The following STYK1 variants were observed in gnomAD, a reference collection of about 807,000 sequenced individuals.
The protein encoded by STYK1 is STY kinase 1, also known as tyrosine-protein kinase STYK1.
A neutral mutation model predicts 48.1 loss-of-function variants in STYK1; 46 were observed. That is an observed-to-expected ratio of 0.96 (90% CI 0.75 to 1.22). The LOEUF (loss-of-function observed/expected upper bound fraction) is 1.22, where lower values mean the gene tolerates loss of function less well. Ranked by LOEUF, STYK1 falls within the 50% of genes most tolerant of loss-of-function variation. The pLI, the probability that STYK1 is intolerant of heterozygous loss-of-function variation, is 0.00. For synonymous variants in STYK1, 188 were observed against 189.0 expected, an observed-to-expected ratio of 0.99 and a Z score of 0.04; for missense variants, 527 against 521.1, an observed-to-expected ratio of 1.01 and a Z score of -0.11.
chr12:10,625,303 C>T (rs374123122), intron 7 of STYK1, among the ~76,000 whole-genome samples: 7 of 152,220 alleles, frequency 4.6e-5, no homozygotes, highest in East Asian at 1.9e-4. Flanking sequence ...CTGCAAGCTC[C>T]GCCTCCTGGG....
At chr12:10,667,533 G>C (rs1471613873) in intron 1 of STYK1, 1 of 152,164 alleles carries the variant, frequency 6.6e-6, no homozygotes, top group Admixed American at 6.5e-5. Context: ...GGGAGGTTGA[G>C]ATGGGAGGAT....
intron 1 of STYK1, among the ~76,000 whole-genome samples, chr12:10,671,034 C>T (rs112635538): frequency 0.065 from 8,070 of 123,486 alleles, 762 homozygotes; most frequent in African/African-American, 0.23. Context: ...CTGGCTCTGT[C>T]GCCCAGGCTG....
At chr12:10,650,913 G>A (rs1285930112) in intron 1 of STYK1, among the ~76,000 whole-genome samples, 1 of 151,808 alleles carries the variant, frequency 6.6e-6, no homozygotes, top group Non-Finnish European at 1.5e-5. Flanking sequence ...GCTGAGGCAG[G>A]AGAATCACTT....
intron 1 of STYK1, among the ~76,000 whole-genome samples, chr12:10,653,823 T>G (rs1267261482): frequency 2.0e-5 from 3 of 152,234 alleles, no homozygotes; most frequent in Admixed American, 6.5e-5. Flanking sequence ...GCATTAATGT[T>G]TAAAGACTGG....
rs1459716188 is a variant in STYK1, at chr12:10,618,984, A to G, written c.*1160T>C. 6.6e-6 allele frequency: 1 copy of G among 152,238 alleles called. No individual in the cohort carries two copies. The highest frequency in any genetic ancestry group is 1.5e-5 in the Non-Finnish European group (1 of 68,050). The allele number at this position is 152,238 out of a possible 1,614,324, so 9.4% of individuals were successfully genotyped here. On this transcript the variant is annotated 3_prime_UTR_variant, in exon 11 of 11. Coordinates refer to ENST00000075503, the MANE Select transcript of STYK1 (RefSeq NM_018423.3). ...TGAGCGCATATGTGCCAGATAGTGTACAAATACATACTCAAAACGTATCAA... is the reference window on the plus strand; with the variant it reads ...TGAGCGCATATGTGCCAGATAGTGTGCAAATACATACTCAAAACGTATCAA...
intron 1 of STYK1, among the ~76,000 whole-genome samples, chr12:10,643,522 TG>T (rs1157585541): frequency 1.3e-5 from 2 of 152,200 alleles, no homozygotes; most frequent in African/African-American, 2.4e-5. Context: ...CATCATTCCT[TG>T]GGGGGCCAGC....
chr12:10,629,716 T>A (rs1947401338), intron 5 of STYK1, 42 bp from the exon 6 acceptor site: 1 of 1,611,502 alleles, frequency 6.2e-7, no homozygotes, highest in Non-Finnish European at 8.5e-7. Context: ...AGTCAGAGCA[T>A]CCTCGATGAG....
At chr12:10,669,083 C>A (rs1310057820) in intron 1 of STYK1, among the ~76,000 whole-genome samples, 2 of 152,112 alleles carry the variant, frequency 1.3e-5, no homozygotes, top group Admixed American at 6.5e-5. Context: ...ATTGCTGTAT[C>A]CCTAGCACCA....
At chr12:10,636,880 C>T (rs1947491470) in intron 2 of STYK1, among the ~76,000 whole-genome samples, 191 bp downstream of exon 2, 1 of 152,084 alleles carries the variant, frequency 6.6e-6, no homozygotes, top group African/African-American at 2.4e-5. Flanking sequence ...AACTACACAC[C>T]CACTAATACA....
At chr12:10,657,064 A>G (rs1369894618) in intron 1 of STYK1, among the ~76,000 whole-genome samples, 1 of 62 alleles carries the variant, frequency 0.016, no homozygotes, top group Non-Finnish European at 0.036. Context: ...CACCTGGAAG[A>G]TACTGGAAGT....
intron 1 of STYK1, among the ~76,000 whole-genome samples, chr12:10,663,404 A>T (rs1454203074): frequency 1.3e-5 from 2 of 151,894 alleles, no homozygotes; most frequent in African/African-American, 2.4e-5. Flanking sequence ...TGAGGTCGGG[A>T]GATCGAGACC....
intron 7 of STYK1, among the ~76,000 whole-genome samples, chr12:10,627,282 CCTAT>C (rs1322201811): frequency 6.6e-6 from 1 of 152,124 alleles, no homozygotes; most frequent in African/African-American, 2.4e-5. Context: ...TACTTGCTTC[CCTAT>C]CTGTCTCTTT....
chr12:10,625,584 A>C (rs1016204512), intron 7 of STYK1, among the ~76,000 whole-genome samples: 1 of 152,224 alleles, frequency 6.6e-6, no homozygotes, highest in African/African-American at 2.4e-5. Flanking sequence ...TATCATAATG[A>C]AAAATGTATA....
intron 1 of STYK1, among the ~76,000 whole-genome samples, chr12:10,661,262 T>G (rs1289963153): frequency 6.6e-6 from 1 of 152,208 alleles, no homozygotes; most frequent in Non-Finnish European, 1.5e-5. Flanking sequence ...TATTAAGTGC[T>G]GTTAACCATT....
Position 10,619,879 on chromosome 12 carries a change from A to C in STYK1, c.*265T>G. 1 of 545,622 alleles carries C rather than the reference A, an allele frequency of 1.8e-6. No homozygotes were observed. The highest frequency in any genetic ancestry group is 3.2e-6 in the Non-Finnish European group (1 of 309,310). The allele number at this position is 545,622 out of a possible 1,614,324, so 33.8% of individuals were successfully genotyped here. ...CCCAACAAATACTGCAGAGTTCTAA[A>C]ACCTCCTTTGCACAGGTCCACCACT... On this transcript the variant is annotated 3_prime_UTR_variant, in exon 11 of 11. Transcript: ENST00000075503.
intron 7 of STYK1, among the ~76,000 whole-genome samples, chr12:10,625,464 T>C (rs543691865): frequency 1.3e-5 from 2 of 152,066 alleles, no homozygotes; most frequent in Non-Finnish European, 2.9e-5. Flanking sequence ...TGATCTGCCC[T>C]CCTCGGCCTC....
At chr12:10,633,515 T>C (rs1462101465) in intron 4 of STYK1, among the ~76,000 whole-genome samples, 2 of 152,184 alleles carry the variant, frequency 1.3e-5, no homozygotes, top group Non-Finnish European at 1.5e-5. Context: ...TCAGTGGAAC[T>C]CCAGAACAGA....
chr12:10,646,176 G>A (rs1212887543), intron 1 of STYK1, among the ~76,000 whole-genome samples: 5 of 152,224 alleles, frequency 3.3e-5, no homozygotes, highest in Non-Finnish European at 5.9e-5. Context: ...TGGGTAACAG[G>A]GAGAAGTTGG....
intron 1 of STYK1, among the ~76,000 whole-genome samples, chr12:10,655,301 T>C (rs1367782952): frequency 6.6e-6 from 1 of 152,200 alleles, no homozygotes; most frequent in African/African-American, 2.4e-5. Context: ...CAGTACTTTC[T>C]CTTAGTTTCT....
Sources: gnomAD v4.1 joint callset for allele counts (sites outside exome capture counted in the v4.1 genomes callset) on GRCh38, gnomAD v4.1.1 for gene constraint, MANE v1.5 for transcripts, NCBI Gene and HGNC (gene_info 2026-07-23, HGNC 2026-07-21) for gene names.